The following PARP9 variants were observed in gnomAD, a reference collection of about 807,000 sequenced individuals.
The protein encoded by PARP9 is protein mono-ADP-ribosyltransferase PARP9.
PARP9 carries 48 observed loss-of-function variants against 68.8 expected under a neutral mutation model. That is an observed-to-expected ratio of 0.70 (90% CI 0.55 to 0.89). The LOEUF is 0.89. Among genes scored for constraint, PARP9 ranks in the 40% least tolerant of loss-of-function variants. The probability of loss-of-function intolerance (pLI) is 0.00; values close to 1 mark genes in which losing one functional copy is unlikely to be tolerated. For synonymous variants in PARP9, 309 were observed against 333.8 expected, an observed-to-expected ratio of 0.93 and a Z score of 0.81; for missense variants, 806 against 969.3, an observed-to-expected ratio of 0.83 and a Z score of 2.24.
intron 8 of PARP9, 91 bp downstream of exon 8, chr3:122,540,380 GT>G (rs1395575333): frequency 6.9e-7 from 1 of 1,447,732 alleles, no homozygotes; most frequent in Non-Finnish European, 9.3e-7. Flanking sequence ...CTCTCCTTCT[GT>G]CTCTTACCCA....
At chr3:122,535,869 G>T in intron 10 of PARP9, 16 of 1,119,584 alleles carry the variant, frequency 1.4e-5, no homozygotes, top group South Asian at 6.5e-5. Context: ...AAGCCTCAAC[G>T]TGTTCTCTGC....
At chr3:122,541,375 A>G (rs2078218573) in intron 7 of PARP9, among the ~76,000 whole-genome samples, 1 of 152,184 alleles carries the variant, frequency 6.6e-6, no homozygotes, top group Non-Finnish European at 1.5e-5. Flanking sequence ...TTTAGCTTGT[A>G]ATGGATTAGC....
At chr3:122,536,617 A>G (rs2077663927) in intron 9 of PARP9, 1 of 554,324 alleles carries the variant, frequency 1.8e-6, no homozygotes, top group South Asian at 2.8e-5. Context: ...CTCATAGTTT[A>G]GTGAGATAGA....
intron 10 of PARP9, among the ~76,000 whole-genome samples, chr3:122,529,741 G>A (rs1269585619): frequency 2.2e-5 from 3 of 139,380 alleles, no homozygotes; most frequent in Non-Finnish European, 3.1e-5. Context: ...GCAACACAGC[G>A]AGACTCCGTC....
chr3:122,559,343 C>G (rs370188594), intron 2 of PARP9, among the ~76,000 whole-genome samples: 2 of 152,138 alleles, frequency 1.3e-5, no homozygotes, highest in African/African-American at 4.8e-5. Flanking sequence ...TACCCCAACC[C>G]GAAAAAGCAG....
At chr3:122,545,183 T>A (rs1287576990) in intron 7 of PARP9, among the ~76,000 whole-genome samples, 1 of 152,218 alleles carries the variant, frequency 6.6e-6, no homozygotes, top group African/African-American at 2.4e-5. Context: ...TATCTATTTA[T>A]GAATCAACCA....
At chr3:122,530,107 G>A (rs1191450385) in intron 10 of PARP9, among the ~76,000 whole-genome samples, 4 of 149,714 alleles carry the variant, frequency 2.7e-5, no homozygotes, top group African/African-American at 7.4e-5. Context: ...AACTCAGGAG[G>A]TTGAGGTTGC....
In PARP9 at chr3:122,556,141, T is replaced by TAAAAAAAAAAGAAAAAAAAAAAAAAAA. The variant is rs2079625413; in HGVS notation, c.50-21_50-20insTTTTTTTTTTTTTTTTCTTTTTTTTTT. The TAAAAAAAAAAGAAAAAAAAAAAAAAAA allele has an allele frequency of 5.2e-6, 1 of 193,584 alleles. No individual in the cohort carries two copies. The highest frequency in any genetic ancestry group is 8.4e-6 in the Non-Finnish European group (1 of 119,342). The allele number at this position is 193,584 out of a possible 1,614,324, so 12.0% of individuals were successfully genotyped here. On this transcript the variant is annotated intron_variant, in intron 3 of 10. Coordinates refer to ENST00000682323, the MANE Select transcript of PARP9 (RefSeq NM_001146105.2). ...CAGTCTCTGGAAAAGAAGAGAAGATTAAAAAAAAAAAAAAAAAAAAAAAAA... is the reference window on the plus strand; with the variant it reads ...CAGTCTCTGGAAAAGAAGAGAAGATTAAAAAAAAAAGAAAAAAAAAAAAAAAAAAAAAAAAAAAAAAAAAAAAAAAAA...
At chr3:122,562,156 CTCTTTTCTTT>C (rs11276615) in intron 1 of PARP9, among the ~76,000 whole-genome samples, 9,139 of 141,108 alleles carry the variant, frequency 0.065, 368 homozygotes, top group African/African-American at 0.1. Context: ...TGGCAATATA[CTCTTTTCTTT>C]TCTTTTCTTT....
intron 6 of PARP9, chr3:122,546,057 T>C (rs1407700009): frequency 6.6e-6 from 1 of 152,382 alleles, no homozygotes; most frequent in Non-Finnish European, 1.5e-5. Context: ...GCAACACAGA[T>C]CCATTAACAT....
At chr3:122,557,805 A>T (rs1478412066) in intron 3 of PARP9, among the ~76,000 whole-genome samples, 3 of 152,098 alleles carry the variant, frequency 2.0e-5, no homozygotes, top group South Asian at 2.1e-4. Flanking sequence ...TGTCTAAGAT[A>T]TTGTTGTTAC....
upstream of PARP9, chr3:122,564,373 C>T: frequency 1.3e-6 from 2 of 1,550,444 alleles, no homozygotes; most frequent in Non-Finnish European, 1.7e-6. Context: ...CGGGCCGCGC[C>T]TTTACCGCCC....
At chr3:122,546,709 C>A (rs2078724875) in intron 6 of PARP9, among the ~76,000 whole-genome samples, 1 of 152,006 alleles carries the variant, frequency 6.6e-6, no homozygotes, top group African/African-American at 2.4e-5. Context: ...AAATAATCCT[C>A]TTGTTTGAGT....
intron 10 of PARP9, chr3:122,533,904 A>C (rs910260971): frequency 4.1e-5 from 40 of 985,346 alleles, no homozygotes; most frequent in Middle Eastern, 1.0e-3. Flanking sequence ...ACGGCTGAAA[A>C]AGCTAAGAGC....
intron 8 of PARP9, among the ~76,000 whole-genome samples, chr3:122,537,926 G>A (rs1199083670): frequency 6.6e-6 from 1 of 151,952 alleles, no homozygotes; most frequent in Non-Finnish European, 1.5e-5. Flanking sequence ...TATACAGGTG[G>A]ACAAATGAAA....
At position 122,537,449 on chromosome 3, in the gene PARP9, A is replaced by C. The variant is rs147661246; in HGVS notation, c.1766-376T>G. ...GACAGGCATTAGAAAATATTAAGTA[A>C]GGAATGATGGGAAATGACATGACAT... On this transcript the variant is annotated intron_variant, in intron 8 of 10. Transcript: ENST00000682323. Among the ~76,000 whole-genome samples, 225 of 152,364 alleles carry C rather than the reference A, an allele frequency of 1.5e-3. 1 individual carries two copies. Among genetic ancestry groups the C allele is most frequent in the African/African-American group, 5.2e-3 (217 of 41,590 alleles).
rs144389968 is a variant in PARP9 at position 122,539,507 on chromosome 3, A to ATTTCTTTCTTTCTTTCTTTC, written c.1765+945_1765+964dup. Among the ~76,000 whole-genome samples the ATTTCTTTCTTTCTTTCTTTC allele has an allele frequency of 3.2e-3, 424 of 133,208 alleles. 9 individuals carry two copies. Among genetic ancestry groups the ATTTCTTTCTTTCTTTCTTTC allele is most frequent in the African/African-American group, 4.5e-3 (154 of 34,030 alleles). 87.4% of individuals were successfully genotyped at this position (133,208 alleles called of 152,430 possible). A position where few individuals can be genotyped will look rare whatever the true frequency, so the allele number is the denominator to read the frequency against. On this transcript the variant is annotated intron_variant, in intron 8 of 10. Coordinates refer to ENST00000682323, the MANE Select transcript of PARP9 (RefSeq NM_001146105.2). ...CTCTATCTCTATCTCCCAAGATGGC[A>ATTTCTTTCTTTCTTTCTTTC]TTTCTTTCTTTCTTTCTTTCTTTCT... is the stretch of plus-strand genomic sequence containing the variant.
At chr3:122,564,558 C>T, upstream of PARP9, 1 of 1,608,982 alleles carries the variant, frequency 6.2e-7, no homozygotes, top group Non-Finnish European at 8.5e-7. Context: ...GCACGGTCAG[C>T]ACCCAGGAAC....
chr3:122,562,436 G>A (rs374415217), intron 1 of PARP9, among the ~76,000 whole-genome samples: 7 of 151,114 alleles, frequency 4.6e-5, no homozygotes, highest in East Asian at 2.0e-4. Context: ...CTCATGATCC[G>A]CCTGCCTTGG....
Sources: gnomAD v4.1 joint callset for allele counts (sites outside exome capture counted in the v4.1 genomes callset) on GRCh38, gnomAD v4.1.1 for gene constraint, MANE v1.5 for transcripts, NCBI Gene and HGNC (gene_info 2026-07-23, HGNC 2026-07-21) for gene names.